Variants in DPM1 observed in about 807,000 individuals in gnomAD.
DPM1 encodes dolichol-phosphate mannosyltransferase subunit 1.
DPM1 carries 27 observed loss-of-function variants against 39.0 expected under a neutral mutation model. The ratio of observed to expected loss-of-function variants is 0.69; its 90% confidence interval spans 0.51 to 0.95. The LOEUF is 0.95. Ranked by LOEUF, DPM1 falls within the 40% of genes least tolerant of loss-of-function variation. The pLI, the probability that DPM1 is intolerant of heterozygous loss-of-function variation, is 0.00. For missense variants in DPM1, 307 were observed against 315.6 expected (o/e 0.97, Z 0.21); for synonymous variants, 124 against 109.0 (o/e 1.14, Z -0.86).
At chr20:50,946,023 A>AATGT in intron 3 of DPM1, 100 bp from the exon 4 acceptor site, 3 of 992,992 alleles carry the variant, frequency 3.0e-6, no homozygotes, top group Non-Finnish European at 4.8e-6. Context: ...AGCACACATT[A>AATGT]GTTCTCTAAA....
intron 7 of DPM1, among the ~76,000 whole-genome samples, chr20:50,938,670 G>T (rs191425907): frequency 5.6e-5 from 8 of 142,110 alleles, no homozygotes; most frequent in Admixed American, 6.9e-5. Flanking sequence ...GTGAGCCACC[G>T]CGCCCAGCCT....
At chr20:50,945,284 T>TGTGTGTGTGTGTG in intron 5 of DPM1, 2 of 156,702 alleles carry the variant, frequency 1.3e-5, no homozygotes, top group East Asian at 1.8e-4. Flanking sequence ...CAAATGTGTG[T>TGTGTGTGTGTGTG]TGTGTGTGTG....
intron 5 of DPM1, chr20:50,945,281 G>GT (rs1248396667): frequency 9.3e-6 from 1 of 107,346 alleles, no homozygotes. Context: ...TCTCAAATGT[G>GT]TGTTGTGTGT....
At chr20:50,945,052 G>A (rs1426469861) in intron 5 of DPM1, 1 of 152,366 alleles carries the variant, frequency 6.6e-6, no homozygotes, top group Non-Finnish European at 1.5e-5. Flanking sequence ...ACACTACTTT[G>A]TTAACATAAT....
intron 2 of DPM1, among the ~76,000 whole-genome samples, chr20:50,954,084 C>T (rs1272369265): frequency 6.6e-6 from 1 of 152,016 alleles, no homozygotes; most frequent in African/African-American, 2.4e-5. Context: ...TAAACTCTTG[C>T]CACCAAGACC....
chr20:50,941,440 T>C lies in DPM1; in HGVS notation c.495-507A>G, dbSNP rs192994107. Among the ~76,000 whole-genome samples the C allele has an allele frequency of 2.1e-3, 304 of 146,136 alleles. 2 individuals carry two copies. The highest frequency in any genetic ancestry group is 7.5e-3 in the African/African-American group (291 of 39,032). On this transcript the variant is annotated intron_variant, in intron 6 of 8. Coordinates refer to ENST00000371588, the MANE Select transcript of DPM1 (RefSeq NM_003859.3). The stretch of plus-strand genomic sequence containing the variant: ...TCATATTATATATATTAGCTGGGCA[T>C]GGTGGTACGTGCCTGCAGTCCCAGC...
At chr20:50,936,616 G>C (rs967606242) in intron 7 of DPM1, among the ~76,000 whole-genome samples, 13 of 152,172 alleles carry the variant, frequency 8.5e-5, no homozygotes, top group African/African-American at 3.1e-4. Flanking sequence ...GAAAGAAACT[G>C]TTCCAAATAT....
At chr20:50,938,435 G>C (rs1985401926) in intron 7 of DPM1, among the ~76,000 whole-genome samples, 1 of 150,322 alleles carries the variant, frequency 6.7e-6, no homozygotes, top group South Asian at 2.1e-4. Context: ...GCCCAGGCTA[G>C]AGTGCAGTGC....
At chr20:50,941,915 G>T in intron 6 of DPM1, 116 bp downstream of exon 6, 1 of 874,748 alleles carries the variant, frequency 1.1e-6, no homozygotes, top group Non-Finnish European at 1.9e-6. Context: ...AGTATTTACT[G>T]GAAGTTATAA....
intron 2 of DPM1, among the ~76,000 whole-genome samples, chr20:50,949,089 G>C: frequency 6.6e-6 from 1 of 152,098 alleles, no homozygotes; most frequent in Non-Finnish European, 1.5e-5. Context: ...TCGATCTCCT[G>C]ACCTCGTGAT....
At position 50,941,892 on chromosome 20, in the gene DPM1, G is replaced by GAT; in HGVS notation, c.494+138_494+139insAT. On this transcript the variant is annotated intron_variant, in intron 6 of 8. Transcript: ENST00000371588. Reference sequence around the variant, plus strand: ...GCTCTAATCACAGGAAAAACTGTAAGAAACTATCTGGGAGTATTTACTGGA... The same window carrying GAT: ...GCTCTAATCACAGGAAAAACTGTAAGATAAACTATCTGGGAGTATTTACTGGA... 6.7e-6 allele frequency: 5 copies of GAT among 748,370 alleles called. No homozygotes were observed. In the South Asian group the frequency reaches 7.7e-5, roughly 11 times the overall value. 46.4% of individuals were successfully genotyped at this position (748,370 alleles called of 1,614,324 possible). A position where few individuals can be genotyped will look rare whatever the true frequency, so the allele number is the denominator to read the frequency against.
intron 5 of DPM1, chr20:50,944,974 CTATTCT>C (rs1986173442): frequency 6.6e-6 from 1 of 152,180 alleles, no homozygotes; most frequent in Non-Finnish European, 1.5e-5. Context: ...AGGTTTCCTT[CTATTCT>C]TAAAGTTTTA....
At chr20:50,951,834 A>G (rs1306347637) in intron 2 of DPM1, among the ~76,000 whole-genome samples, 1 of 152,146 alleles carries the variant, frequency 6.6e-6, no homozygotes, top group East Asian at 1.9e-4. Context: ...CATCAAAGGC[A>G]ACTTCGGTTT....
chr20:50,937,338 G>A (rs1985277567), intron 7 of DPM1, among the ~76,000 whole-genome samples: 1 of 152,078 alleles, frequency 6.6e-6, no homozygotes, highest in Admixed American at 6.6e-5. Flanking sequence ...TATCCACATA[G>A]TTTCCTTAAG....
intron 2 of DPM1, among the ~76,000 whole-genome samples, chr20:50,950,485 T>A (rs909191901): frequency 6.6e-6 from 1 of 152,194 alleles, no homozygotes; most frequent in African/African-American, 2.4e-5. Context: ...CTGATCCCCA[T>A]CTGGTATCTG....
At chr20:50,958,261 AAAG>A (rs1986942248) in intron 1 of DPM1, 99 bp downstream of exon 1, 2 of 1,498,224 alleles carry the variant, frequency 1.3e-6, no homozygotes, top group African/African-American at 1.4e-5. Flanking sequence ...TGTGTGAGGC[AAAG>A]AAGGCTGGAC....
intron 7 of DPM1, among the ~76,000 whole-genome samples, chr20:50,939,610 G>A (rs1228150687): frequency 2.0e-5 from 3 of 150,254 alleles, no homozygotes; most frequent in African/African-American, 2.5e-5. Flanking sequence ...GATTACAGGT[G>A]TGAGCCACAA....
chr20:50,955,670 TCTC>T (rs1164250626), intron 1 of DPM1, among the ~76,000 whole-genome samples: 1 of 152,182 alleles, frequency 6.6e-6, no homozygotes, highest in Non-Finnish European at 1.5e-5. Context: ...CTCAAGCAAT[TCTC>T]CTGCCTCAGC....
chr20:50,945,680 C>G, intron 5 of DPM1, 57 bp downstream of exon 5: 1 of 1,414,702 alleles, frequency 7.1e-7, no homozygotes, highest in South Asian at 1.2e-5. Context: ...AAGCCCAAAA[C>G]CAGTAAGATA....
Sources: allele counts gnomAD v4.1 joint callset (sites outside exome capture counted in the v4.1 genomes callset), GRCh38; gene constraint gnomAD v4.1.1; transcripts MANE v1.5; gene names NCBI Gene and HGNC (gene_info 2026-07-23, HGNC 2026-07-21).